Variants in RABGAP1 observed in about 807,000 individuals in gnomAD.
RABGAP1 encodes the protein RAB GTPase activating protein 1.
RABGAP1 carries 23 observed loss-of-function variants against 137.6 expected under a neutral mutation model. The ratio of observed to expected loss-of-function variants is 0.17; its 90% CI spans 0.12 to 0.24. The LOEUF (loss-of-function observed/expected upper bound fraction) is 0.24, where lower values mean the gene tolerates loss of function less well. Among genes scored for constraint, RABGAP1 ranks in the 10% least tolerant of loss-of-function variants. RABGAP1 has a pLI of 1.00. For synonymous variants in RABGAP1, 451 were observed against 450.7 expected (o/e 1.00, Z -0.01); for missense variants, 906 against 1,275.8 (o/e 0.71, Z 4.42).
chr9:123,079,940 C>G (rs1034276848), intron 19 of RABGAP1, among the ~76,000 whole-genome samples: 4 of 152,034 alleles, frequency 2.6e-5, no homozygotes, highest in Admixed American at 6.5e-5. Flanking sequence ...ATCCACAGTA[C>G]CAGGAACAGG....
intron 10 of RABGAP1, among the ~76,000 whole-genome samples, chr9:123,009,545 A>G (rs946899663): frequency 8.6e-5 from 13 of 151,938 alleles, no homozygotes; most frequent in African/African-American, 2.4e-4. Context: ...ATTCTTCCCT[A>G]TATTTCATGC....
intron 10 of RABGAP1, among the ~76,000 whole-genome samples, chr9:123,009,643 G>T (rs1359063454): frequency 6.6e-6 from 1 of 152,212 alleles, no homozygotes; most frequent in African/African-American, 2.4e-5. Context: ...GTATTGTAGT[G>T]TAAAGTTTTA....
chr9:122,940,552 C>A (rs75049925), upstream of RABGAP1, among the ~76,000 whole-genome samples: 2,534 of 152,294 alleles, frequency 0.017, 34 homozygotes, highest in Non-Finnish European at 0.026. Flanking sequence ...CCATCACAAT[C>A]CCTGACACAC....
intron 13 of RABGAP1, among the ~76,000 whole-genome samples, chr9:123,028,114 T>C (rs757669593): frequency 6.6e-6 from 1 of 152,238 alleles, no homozygotes; most frequent in Non-Finnish European, 1.5e-5. Flanking sequence ...GACCCACAAA[T>C]AGGCAATTTC....
At chr9:123,092,257 C>G (rs1426953197) in intron 21 of RABGAP1, among the ~76,000 whole-genome samples, 1 of 152,128 alleles carries the variant, frequency 6.6e-6, no homozygotes, top group Non-Finnish European at 1.5e-5. Context: ...AACCCTTTTT[C>G]AAGTCATCTT....
At chr9:123,001,895 C>G (rs1272336582) in intron 10 of RABGAP1, among the ~76,000 whole-genome samples, 1 of 152,112 alleles carries the variant, frequency 6.6e-6, no homozygotes, top group East Asian at 1.9e-4. Context: ...TAAAAAAGCA[C>G]TAAGTCATGA....
chr9:123,020,132 C>G (rs2031526764), intron 12 of RABGAP1, among the ~76,000 whole-genome samples, 177 bp from the exon 13 acceptor site: 1 of 151,848 alleles, frequency 6.6e-6, no homozygotes, highest in Non-Finnish European at 1.5e-5. Flanking sequence ...TTTCTTCCAC[C>G]CAATCTCTCT....
intron 19 of RABGAP1, among the ~76,000 whole-genome samples, chr9:123,081,783 T>C (rs887034005): frequency 2.0e-5 from 3 of 152,202 alleles, no homozygotes; most frequent in Admixed American, 2.0e-4. Context: ...TAATTTGTAG[T>C]ATTGATATAG....
chr9:123,090,149 C>T, intron 20 of RABGAP1, 126 bp from the exon 21 acceptor site: 1 of 701,952 alleles, frequency 1.4e-6, no homozygotes, highest in Non-Finnish European at 2.4e-6. Context: ...GGAAACACAT[C>T]AGGTCCAGCC....
rs151022295 is a variant in RABGAP1 at position 122,957,314 on chromosome 9, G to A, written c.150+105G>A. 413 of 861,424 alleles carry A rather than the reference G, an allele frequency of 4.8e-4. No individual in the cohort carries two copies. The African/African-American group carries it at 5.9e-3, about 12-fold the overall frequency. 53.4% of individuals were successfully genotyped at this position (861,424 alleles called of 1,614,324 possible). A position where few individuals can be genotyped will look rare whatever the true frequency, so the allele number is the denominator to read the frequency against. ...ATGGGAGGAAAGTGAGAACATGGAA[G>A]TAATATACTTCTTTTTCTTTAAAGA... On this transcript the variant is annotated intron_variant, in intron 2 of 25. Transcript: ENST00000373647.
chr9:123,060,875 A>G (rs1247107199), intron 13 of RABGAP1, among the ~76,000 whole-genome samples: 1 of 152,246 alleles, frequency 6.6e-6, no homozygotes, highest in Non-Finnish European at 1.5e-5. Context: ...AAAAAAGTAC[A>G]AAAGTGTTCA....
intron 2 of RABGAP1, among the ~76,000 whole-genome samples, chr9:122,972,383 C>T (rs1018918485): frequency 6.6e-6 from 1 of 152,180 alleles, no homozygotes; most frequent in African/African-American, 2.4e-5. Flanking sequence ...CAATCTTGCG[C>T]TCATACAGCT....
rs567656934 is a variant in RABGAP1, at chr9:123,017,033, G to C, written c.1643+1397G>C. 2.0e-5 allele frequency among the ~76,000 whole-genome samples: 3 copies of C among 152,296 alleles called. No individual in the cohort carries two copies. In the South Asian group the frequency reaches 6.2e-4, roughly 32 times the overall value. On this transcript the variant is annotated intron_variant, in intron 12 of 25. Transcript: ENST00000373647. The stretch of plus-strand genomic sequence containing the variant: ...ATAAATGAACTCTGCAAAAAAACCA[G>C]AGTAATAGTTTTCTTATATTTTTGG...
At chr9:123,094,759 C>T (rs577956814) in intron 21 of RABGAP1, among the ~76,000 whole-genome samples, 1 of 152,188 alleles carries the variant, frequency 6.6e-6, no homozygotes, top group South Asian at 2.1e-4. Flanking sequence ...TCACGCAGAC[C>T]TGAAATTTTC....
chr9:122,988,524 A>G (rs1464525523), intron 4 of RABGAP1, among the ~76,000 whole-genome samples: 1 of 148,888 alleles, frequency 6.7e-6, no homozygotes, highest in Non-Finnish European at 1.5e-5. Context: ...AGGAGTTAAC[A>G]TTTTGTATAA....
chr9:122,978,668 G>A (rs1449957448), intron 2 of RABGAP1, among the ~76,000 whole-genome samples: 2 of 152,130 alleles, frequency 1.3e-5, no homozygotes, highest in Non-Finnish European at 2.9e-5. Flanking sequence ...TTTTTGTGTA[G>A]ACATATGTTT....
At chr9:123,079,288 G>A (rs1246053611) in intron 19 of RABGAP1, among the ~76,000 whole-genome samples, 1 of 148,046 alleles carries the variant, frequency 6.8e-6, no homozygotes, top group African/African-American at 2.5e-5. Context: ...CACCCAGGCC[G>A]GAGTGCAGTG....
chr9:123,083,340 A>C (rs1045164635), intron 19 of RABGAP1, among the ~76,000 whole-genome samples: 1 of 152,226 alleles, frequency 6.6e-6, no homozygotes, highest in African/African-American at 2.4e-5. Context: ...AGCTTTCTTT[A>C]TAACTAGACC....
At chr9:123,016,314 C>T (rs1349193890) in intron 12 of RABGAP1, among the ~76,000 whole-genome samples, 1 of 151,992 alleles carries the variant, frequency 6.6e-6, no homozygotes, top group East Asian at 1.9e-4. Flanking sequence ...CAAGACCAGC[C>T]TGGACAACTT....
Sources: allele counts gnomAD v4.1 joint callset (sites outside exome capture counted in the v4.1 genomes callset), GRCh38; gene constraint gnomAD v4.1.1; transcripts MANE v1.5; gene names NCBI Gene and HGNC (gene_info 2026-07-23, HGNC 2026-07-21).